Variants in STAB2 observed in about 807,000 individuals in gnomAD.
The protein encoded by STAB2 is stabilin 2.
In STAB2, 288 loss-of-function variants were observed where a neutral mutation model predicts 338.1. The ratio of observed to expected loss-of-function variants is 0.85; its 90% CI spans 0.77 to 0.94. The LOEUF is 0.94. STAB2 is among the 40% of genes least tolerant of loss of function. STAB2 has a pLI of 0.00. For synonymous variants in STAB2, 1,202 were observed against 1,193.3 expected (o/e 1.01, Z -0.15); for missense variants, 3,141 against 3,210.1 (o/e 0.98, Z 0.52).
At chr12:103,670,889 G>T in intron 22 of STAB2, 82 bp downstream of exon 22, 12 of 1,148,298 alleles carry the variant, frequency 1.0e-5, no homozygotes, top group South Asian at 1.3e-5. Context: ...TGCAGGGCTG[G>T]TGTCTCAGGA....
At chr12:103,676,401 T>A (rs1386797294) in intron 24 of STAB2, among the ~76,000 whole-genome samples, 1 of 152,200 alleles carries the variant, frequency 6.6e-6, no homozygotes, top group Non-Finnish European at 1.5e-5. Context: ...TGTTTGGGTT[T>A]TTTTAGGAAA....
At chr12:103,715,207 T>G (rs1880206683) in intron 42 of STAB2, among the ~76,000 whole-genome samples, 1 of 152,202 alleles carries the variant, frequency 6.6e-6, no homozygotes, top group Non-Finnish European at 1.5e-5. Context: ...CAAGTGATAT[T>G]GCATCTGTCT....
rs529187330 is a variant in STAB2, at chr12:103,748,495, C to G, written c.6245-468C>G. 2.8e-4 allele frequency among the ~76,000 whole-genome samples: 42 copies of G among 152,156 alleles called. 2 individuals are homozygous for G. The highest frequency in any genetic ancestry group is 8.5e-4 in the Admixed American group (13 of 15,274). On this transcript the variant is annotated intron_variant, in intron 58 of 68. Coordinates refer to ENST00000388887, the MANE Select transcript of STAB2 (RefSeq NM_017564.10). ...TTTAGCTGTTTTAGCTTTGTCAGGT[C>G]AGTTAAGCTGAGTCTCAGTTTGTTC...
intron 15 of STAB2, among the ~76,000 whole-genome samples, chr12:103,659,290 C>T (rs910918800): frequency 2.2e-4 from 33 of 152,208 alleles, no homozygotes; most frequent in African/African-American, 7.5e-4. Context: ...GATAGGTGGT[C>T]CTGCTACTAA....
In STAB2 at chr12:103,688,071, C is replaced by T. The variant is rs558966285; in HGVS notation, c.2998-97C>T. The stretch of plus-strand genomic sequence containing the variant: ...AGCCTAGCCCCAGGAAGGCTGAGTG[C>T]AGGTGACCCAGAGATGCACTGTGAT... On this transcript the variant is annotated intron_variant, in intron 27 of 68. Coordinates refer to ENST00000388887, the MANE Select transcript of STAB2 (RefSeq NM_017564.10). 4.1e-6 allele frequency: 5 copies of T among 1,206,360 alleles called. No individual in the cohort carries two copies. The East Asian group carries it at 9.3e-5, about 23-fold the overall frequency. The allele number at this position is 1,206,360 out of a possible 1,614,324, so 74.7% of individuals were successfully genotyped here.
chr12:103,730,268 C>T lies in STAB2; in HGVS notation c.5223+12C>T. 6.2e-7 allele frequency: 1 copy of T among 1,613,318 alleles called. No homozygotes were observed. The highest frequency in any genetic ancestry group is 8.5e-7 in the Non-Finnish European group (1 of 1,179,634). On this transcript the variant is annotated intron_variant, in intron 49 of 68. Coordinates refer to ENST00000388887, the MANE Select transcript of STAB2 (RefSeq NM_017564.10). ...CTGGAAGAATTCTGGTAGGTAAACT[C>T]TCTGTTATGTTTTCAGCCTGGAGTG...
chr12:103,689,897 G>A lies in STAB2; in HGVS notation c.3097G>A (p.Val1033Met), dbSNP rs749233494. 141 of 1,613,936 alleles carry A rather than the reference G, an allele frequency of 8.7e-5. No homozygotes were observed. Among genetic ancestry groups the A allele is most frequent in the Non-Finnish European group, 1.1e-4 (132 of 1,180,004 alleles). ...AGCCACCTCAAACCTCACTGTCCTC[G>A]TGCCTTCCCAACAAGCTACTGAGGA... ...LSATSNLTVL[V>M]PSQQATEDMD... The change falls in exon 29 of 69, where the codon GTG (valine) becomes ATG (methionine). Residue 1033 changes from valine (V) to methionine (M), a missense_variant. Physicochemically the swap from Val to Met is conservative, Grantham distance 21. Coordinates refer to ENST00000388887, the MANE Select transcript of STAB2 (RefSeq NM_017564.10).
intron 30 of STAB2, 32 bp from the exon 31 acceptor site, chr12:103,692,780 A>G: frequency 6.3e-7 from 1 of 1,577,622 alleles, no homozygotes; most frequent in Non-Finnish European, 8.7e-7. Context: ...CTCTATAAAG[A>G]CTCATCTTCC....
intron 51 of STAB2, among the ~76,000 whole-genome samples, chr12:103,734,391 A>G (rs1270075948): frequency 6.6e-6 from 1 of 150,444 alleles, no homozygotes; most frequent in Non-Finnish European, 1.5e-5. Context: ...AGGAGCAAGC[A>G]CAATCATATG....
At chr12:103,692,300 C>T (rs1878001014) in intron 30 of STAB2, among the ~76,000 whole-genome samples, 1 of 152,158 alleles carries the variant, frequency 6.6e-6, no homozygotes, top group Admixed American at 6.6e-5. Flanking sequence ...CCCTAAGGAC[C>T]TCACTTTAAC....
chr12:103,757,045 A>G (rs1216859514), intron 63 of STAB2, among the ~76,000 whole-genome samples: 1 of 145,752 alleles, frequency 6.9e-6, no homozygotes, highest in East Asian at 2.0e-4. Flanking sequence ...TATATATATT[A>G]AAGTATGTAA....
chr12:103,620,607 C>T, intron 4 of STAB2, 54 bp downstream of exon 4: 1 of 1,385,800 alleles, frequency 7.2e-7, no homozygotes, highest in Non-Finnish European at 1.0e-6. Flanking sequence ...CATCTTCTTA[C>T]CTGTTGATCC....
At chr12:103,673,878 G>A (rs1876071108) in intron 22 of STAB2, 29 bp from the exon 23 acceptor site, 4 of 1,598,670 alleles carry the variant, frequency 2.5e-6, no homozygotes, top group East Asian at 2.2e-5. Flanking sequence ...CCAAGGCCTG[G>A]ACGGATGTCC....
intron 3 of STAB2, among the ~76,000 whole-genome samples, chr12:103,603,413 A>T (rs947381799): frequency 2.0e-5 from 3 of 152,184 alleles, no homozygotes; most frequent in Non-Finnish European, 4.4e-5. Context: ...ATGGATCAAG[A>T]TTCATTTCTT....
In STAB2 at chr12:103,726,161, C is replaced by G; in HGVS notation, c.4849C>G (p.Gln1617Glu). The change falls in exon 46 of 69, where the codon CAG becomes GAG. Residue 1617 changes from glutamine to glutamate, a missense_variant and splice_region_variant. Gln to Glu is a conservative substitution (Grantham distance 29). Transcript: ENST00000388887. ...PKTSQYFFQL[Q>E]EHFVKDLVGP... ...AACTTCCCAGTATTTCTTCCAGTTG[C>G]AGGTAGGAAATATACATGTCTGTCT... is the stretch of plus-strand genomic sequence containing the variant. 1 of 1,613,906 alleles carries G rather than the reference C, an allele frequency of 6.2e-7. No individual in the cohort carries two copies. The highest frequency in any genetic ancestry group is 1.1e-5 in the South Asian group (1 of 91,088).
chr12:103,590,133 G>A (rs1956773908), intron 1 of STAB2, among the ~76,000 whole-genome samples: 1 of 152,072 alleles, frequency 6.6e-6, no homozygotes, highest in Non-Finnish European at 1.5e-5. Context: ...TGAGCAACAG[G>A]GGATCCTAAA....
intron 6 of STAB2, among the ~76,000 whole-genome samples, chr12:103,633,581 C>T (rs1170890719): frequency 6.6e-6 from 1 of 152,194 alleles, no homozygotes; most frequent in East Asian, 1.9e-4. Flanking sequence ...ACTCAGGAGG[C>T]TGACCCGGGA....
chr12:103,608,182 A>G (rs1286855952), intron 3 of STAB2, among the ~76,000 whole-genome samples: 1 of 152,220 alleles, frequency 6.6e-6, no homozygotes, highest in East Asian at 1.9e-4. Context: ...TCTGTCGCCC[A>G]GGCTGGAGTG....
At chr12:103,599,232 T>C (rs1272175746) in intron 3 of STAB2, among the ~76,000 whole-genome samples, 3 of 152,158 alleles carry the variant, frequency 2.0e-5, no homozygotes, top group African/African-American at 4.8e-5. Context: ...CCTGGTCTCT[T>C]GTGGGGCAGG....
Sources: allele counts gnomAD v4.1 joint callset (sites outside exome capture counted in the v4.1 genomes callset), GRCh38; gene constraint gnomAD v4.1.1; transcripts MANE v1.5; gene names NCBI Gene and HGNC (gene_info 2026-07-23, HGNC 2026-07-21).